The following XKR4 variants were observed in gnomAD, a reference collection of about 807,000 sequenced individuals.
XKR4 encodes the protein XK related 4.
Under a neutral mutation model 53.9 loss-of-function variants are expected in XKR4, and 12 were observed. That is an observed-to-expected ratio of 0.22 (90% CI 0.14 to 0.36). The LOEUF (loss-of-function observed/expected upper bound fraction) is 0.36. XKR4 is among the 10% of genes least tolerant of loss of function. The probability of loss-of-function intolerance (pLI) is 1.00; values close to 1 mark genes in which losing one functional copy is unlikely to be tolerated. For synonymous variants in XKR4, 354 were observed against 362.4 expected (o/e 0.98, Z 0.26); for missense variants, 799 against 859.5 (o/e 0.93, Z 0.88).
chr8:55,112,237 A>G (rs1816241940), intron 1 of XKR4, among the ~76,000 whole-genome samples: 1 of 152,206 alleles, frequency 6.6e-6, no homozygotes, highest in African/African-American at 2.4e-5. Context: ...TTTAATTTAT[A>G]CACATGCCAT....
At chr8:55,193,337 C>T (rs1371714372) in intron 1 of XKR4, among the ~76,000 whole-genome samples, 2 of 151,992 alleles carry the variant, frequency 1.3e-5, no homozygotes, top group Non-Finnish European at 2.9e-5. Flanking sequence ...TGCTCCAGTC[C>T]TTCTTCCCTC....
chr8:55,399,994 T>C (rs1312360710), intron 2 of XKR4, among the ~76,000 whole-genome samples: 1 of 152,168 alleles, frequency 6.6e-6, no homozygotes, highest in African/African-American at 2.4e-5. Context: ...ACATGCTAAG[T>C]GTATGCTGCT....
chr8:55,118,993 T>C (rs1266168924), intron 1 of XKR4, among the ~76,000 whole-genome samples: 1 of 152,108 alleles, frequency 6.6e-6, no homozygotes, highest in African/African-American at 2.4e-5. Context: ...GATCATGTAG[T>C]TATATAGGTT....
chr8:55,429,778 G>A (rs1805073345), intron 2 of XKR4, among the ~76,000 whole-genome samples: 2 of 151,840 alleles, frequency 1.3e-5, no homozygotes, highest in Admixed American at 1.3e-4. Flanking sequence ...AAGAAAAATT[G>A]CTAAATTGGG....
intron 2 of XKR4, among the ~76,000 whole-genome samples, chr8:55,465,216 A>G (rs2129398923): frequency 6.6e-6 from 1 of 152,304 alleles, no homozygotes; most frequent in East Asian, 1.9e-4. Context: ...TAGAGGCATC[A>G]TGCTACCTGA....
In XKR4 at chr8:55,351,392, G is replaced by A. The variant is rs75830001; in HGVS notation, c.807-6286G>A. On this transcript the variant is annotated intron_variant, in intron 1 of 2. Coordinates refer to ENST00000327381, the MANE Select transcript of XKR4 (RefSeq NM_052898.2). The stretch of plus-strand genomic sequence containing the variant: ...GTCACCAGGATCAGATTAACTGTGA[G>A]CTCAAGGTGCTATAAAAACAAACGT... 2.1e-4 allele frequency among the ~76,000 whole-genome samples: 32 copies of A among 152,290 alleles called. No homozygotes were observed. In the East Asian group the frequency reaches 6.2e-3, roughly 29 times the overall value.
chr8:55,298,730 T>C (rs1819137097), intron 1 of XKR4, among the ~76,000 whole-genome samples: 1 of 152,210 alleles, frequency 6.6e-6, no homozygotes, highest in East Asian at 1.9e-4. Context: ...CCATTTTCTC[T>C]TCTGTCTGTC....
At chr8:55,105,301 G>A (rs964304870) in intron 1 of XKR4, among the ~76,000 whole-genome samples, 2 of 145,794 alleles carry the variant, frequency 1.4e-5, no homozygotes, top group African/African-American at 2.6e-5. Flanking sequence ...ATGTCAGAGA[G>A]ACCATAGCCA....
intron 1 of XKR4, among the ~76,000 whole-genome samples, chr8:55,320,210 GAGCTGAC>G: frequency 6.6e-6 from 1 of 152,340 alleles, no homozygotes; most frequent in African/African-American, 2.4e-5. Flanking sequence ...CAAAACAACA[GAGCTGAC>G]AGTTGGTTCA....
chr8:55,491,916 T>C (rs1036663333), intron 2 of XKR4, among the ~76,000 whole-genome samples: 2 of 152,202 alleles, frequency 1.3e-5, no homozygotes, highest in Non-Finnish European at 2.9e-5. Context: ...TGGCAGAGCA[T>C]TCAACAAAAA....
chr8:55,399,255 G>A (rs183397048), intron 2 of XKR4, among the ~76,000 whole-genome samples: 19 of 152,228 alleles, frequency 1.2e-4, no homozygotes, highest in Admixed American at 3.3e-4. Context: ...CATTTTCTGC[G>A]CTCATTATGT....
At chr8:55,453,260 T>C (rs951322720) in intron 2 of XKR4, 8 of 490,572 alleles carry the variant, frequency 1.6e-5, no homozygotes, top group African/African-American at 1.6e-4. Flanking sequence ...CGAGATGCCA[T>C]GCTTGTCCAG....
At chr8:55,311,491 G>A (rs1452941750) in intron 1 of XKR4, among the ~76,000 whole-genome samples, 1 of 152,170 alleles carries the variant, frequency 6.6e-6, no homozygotes, top group Non-Finnish European at 1.5e-5. Flanking sequence ...AAAGGAGCGG[G>A]GCAGCTGGAG....
At chr8:55,335,262 A>G (rs1352638538) in intron 1 of XKR4, among the ~76,000 whole-genome samples, 2 of 152,208 alleles carry the variant, frequency 1.3e-5, no homozygotes, top group Non-Finnish European at 2.9e-5. Flanking sequence ...TGGGGTGCAT[A>G]TATTTCCAAA....
At chr8:55,114,588 T>A (rs557845631) in intron 1 of XKR4, among the ~76,000 whole-genome samples, 1 of 152,228 alleles carries the variant, frequency 6.6e-6, no homozygotes, top group South Asian at 2.1e-4. Context: ...TGGGTGAGAA[T>A]CTGAAATCAA....
At chr8:55,241,143 T>C (rs1375750296) in intron 1 of XKR4, among the ~76,000 whole-genome samples, 1 of 152,222 alleles carries the variant, frequency 6.6e-6, no homozygotes, top group Non-Finnish European at 1.5e-5. Flanking sequence ...GAGTGCACAG[T>C]AGATTTTTTA....
At chr8:55,136,704 A>G (rs999654343) in intron 1 of XKR4, among the ~76,000 whole-genome samples, 40 of 152,354 alleles carry the variant, frequency 2.6e-4, no homozygotes, top group Admixed American at 2.4e-3. Flanking sequence ...ATGTGTTTTA[A>G]CAAATTGGTT....
chr8:55,484,233 T>C (rs1395318262), intron 2 of XKR4, among the ~76,000 whole-genome samples: 1 of 152,206 alleles, frequency 6.6e-6, no homozygotes, highest in Non-Finnish European at 1.5e-5. Flanking sequence ...AAAGCTTTAC[T>C]GGAAAATTCT....
At chr8:55,405,220 A>T (rs1804665356) in intron 2 of XKR4, among the ~76,000 whole-genome samples, 1 of 152,140 alleles carries the variant, frequency 6.6e-6, no homozygotes, top group Non-Finnish European at 1.5e-5. Context: ...TCACAGTTGA[A>T]TTGGACACAT....
Sources: allele counts gnomAD v4.1 joint callset (sites outside exome capture counted in the v4.1 genomes callset), GRCh38; gene constraint gnomAD v4.1.1; transcripts MANE v1.5; gene names NCBI Gene and HGNC (gene_info 2026-07-23, HGNC 2026-07-21).